Variants in TMEM135 observed in about 807,000 individuals in gnomAD.
TMEM135 encodes peroxisomal membrane protein 52.
TMEM135 carries 30 observed loss-of-function variants against 60.3 expected under a neutral mutation model. The ratio of observed to expected loss-of-function variants is 0.50; its 90% CI spans 0.37 to 0.68. The LOEUF (loss-of-function observed/expected upper bound fraction) is 0.68. Ranked by LOEUF, TMEM135 falls within the 30% of genes least tolerant of loss-of-function variation. The pLI is 0.00. For missense variants in TMEM135, 468 were observed against 548.8 expected (o/e 0.85, Z 1.47); for synonymous variants, 190 against 186.7 (o/e 1.02, Z -0.14).
At chr11:87,166,961 T>G (rs1939069289) in intron 5 of TMEM135, among the ~76,000 whole-genome samples, 1 of 152,190 alleles carries the variant, frequency 6.6e-6, no homozygotes, top group Non-Finnish European at 1.5e-5. Context: ...TTCCATTCGT[T>G]TGTGTCATCT....
At chr11:87,120,771 T>G (rs938579628) in intron 4 of TMEM135, among the ~76,000 whole-genome samples, 1 of 152,176 alleles carries the variant, frequency 6.6e-6, no homozygotes, top group African/African-American at 2.4e-5. Flanking sequence ...TTCTAAATTT[T>G]GTTTGAACTA....
intron 5 of TMEM135, among the ~76,000 whole-genome samples, chr11:87,227,613 A>T (rs916137792): frequency 3.9e-5 from 6 of 152,188 alleles, no homozygotes; most frequent in African/African-American, 1.4e-4. Context: ...GATTTAAAAA[A>T]TTTGTTATAT....
rs530358387 is a variant in TMEM135, at chr11:87,214,617, T to C, written c.463-22021T>C. Among the ~76,000 whole-genome samples the C allele has an allele frequency of 4.4e-4, 67 of 152,048 alleles. 2 individuals are homozygous for C. The South Asian group carries it at 0.013, about 30-fold the overall frequency. ...TACAGCACCAGGTTATGAGGCAAAA[T>C]ATGTATAAACTAATAATTACAGTGT... On this transcript the variant is annotated intron_variant, in intron 5 of 14. Transcript: ENST00000305494.
intron 1 of TMEM135, among the ~76,000 whole-genome samples, chr11:87,061,303 C>T (rs1949944629): frequency 6.6e-6 from 1 of 152,124 alleles, no homozygotes; most frequent in African/African-American, 2.4e-5. Context: ...TTGGTTATCA[C>T]AGCTGGGGGG....
chr11:87,067,402 C>G (rs571666384), intron 1 of TMEM135, among the ~76,000 whole-genome samples: 1 of 151,762 alleles, frequency 6.6e-6, no homozygotes, highest in East Asian at 1.9e-4. Flanking sequence ...AAAATATATT[C>G]CATTTTTCAG....
At chr11:87,043,454 G>A (rs911283016) in intron 1 of TMEM135, among the ~76,000 whole-genome samples, 11 of 151,910 alleles carry the variant, frequency 7.2e-5, no homozygotes, top group Non-Finnish European at 1.3e-4. Flanking sequence ...GGCTGGGTGC[G>A]GTGTCTGACG....
intron 5 of TMEM135, among the ~76,000 whole-genome samples, chr11:87,160,642 T>C (rs182330209): frequency 7.9e-5 from 12 of 152,362 alleles, no homozygotes; most frequent in Admixed American, 1.3e-4. Context: ...AGTTTGACAG[T>C]TGAAAAATAA....
intron 4 of TMEM135, chr11:87,095,889 T>A (rs1359067803): frequency 6.7e-6 from 1 of 150,272 alleles, no homozygotes; most frequent in African/African-American, 2.5e-5. Flanking sequence ...GGCAGGAGAA[T>A]GGCGTGAACC....
chr11:87,282,151 A>G (rs1171814883), intron 6 of TMEM135, among the ~76,000 whole-genome samples: 1 of 152,098 alleles, frequency 6.6e-6, no homozygotes, highest in Non-Finnish European at 1.5e-5. Context: ...TATGAAGGGG[A>G]GGTGGATAAG....
intron 3 of TMEM135, among the ~76,000 whole-genome samples, chr11:87,089,560 GA>G (rs139034362): frequency 0.093 from 14,072 of 150,598 alleles, 690 homozygotes; most frequent in African/African-American, 0.097. Context: ...AAAAGAAAAA[GA>G]AAAAAAAATT....
At chr11:87,159,617 A>ACACACACACC in intron 5 of TMEM135, among the ~76,000 whole-genome samples, 1 of 149,458 alleles carries the variant, frequency 6.7e-6, no homozygotes, top group African/African-American at 2.5e-5. Flanking sequence ...ACACACACAC[A>ACACACACACC]CCATAGATTT....
At chr11:87,039,997 A>G (rs868852064) in intron 1 of TMEM135, among the ~76,000 whole-genome samples, 12 of 152,316 alleles carry the variant, frequency 7.9e-5, no homozygotes, top group African/African-American at 2.9e-4. Flanking sequence ...TTACTACTAT[A>G]TCTCCAACAA....
At chr11:87,253,178 C>G (rs1411312008) in intron 6 of TMEM135, among the ~76,000 whole-genome samples, 1 of 152,094 alleles carries the variant, frequency 6.6e-6, no homozygotes, top group South Asian at 2.1e-4. Context: ...TGTGGCAAAT[C>G]TGTTGTCATT....
chr11:87,169,210 G>T (rs1939158470), intron 5 of TMEM135, among the ~76,000 whole-genome samples: 1 of 148,760 alleles, frequency 6.7e-6, no homozygotes, highest in South Asian at 2.2e-4. Flanking sequence ...CACGTGAGAT[G>T]GGACTCCTGA....
At chr11:87,184,566 G>A (rs1939602902) in intron 5 of TMEM135, among the ~76,000 whole-genome samples, 1 of 152,142 alleles carries the variant, frequency 6.6e-6, no homozygotes, top group South Asian at 2.1e-4. Flanking sequence ...ATATGTTTGA[G>A]AAACTATAGA....
chr11:87,159,617 A>ACACACACACACACCCCC (rs140303858), intron 5 of TMEM135, among the ~76,000 whole-genome samples: 248 of 149,452 alleles, frequency 1.7e-3, no homozygotes, highest in East Asian at 6.2e-3. Context: ...ACACACACAC[A>ACACACACACACACCCCC]CCATAGATTT....
intron 4 of TMEM135, among the ~76,000 whole-genome samples, chr11:87,100,975 C>A (rs558661115): frequency 5.3e-5 from 8 of 152,286 alleles, no homozygotes. Context: ...TAAAAACATA[C>A]AAATTGAAGG....
intron 6 of TMEM135, among the ~76,000 whole-genome samples, chr11:87,273,195 G>T (rs563513620): frequency 6.6e-6 from 1 of 152,054 alleles, no homozygotes; most frequent in Non-Finnish European, 1.5e-5. Flanking sequence ...TCTAAATCTG[G>T]TTTCTTTTTT....
chr11:87,180,836 A>G (rs1357787335), intron 5 of TMEM135, among the ~76,000 whole-genome samples: 3 of 152,226 alleles, frequency 2.0e-5, no homozygotes, highest in Non-Finnish European at 4.4e-5. Flanking sequence ...CCAGAGGACC[A>G]AAAGCCTTTA....
Sources: gnomAD v4.1 joint callset for allele counts (sites outside exome capture counted in the v4.1 genomes callset) on GRCh38, gnomAD v4.1.1 for gene constraint, MANE v1.5 for transcripts, NCBI Gene and HGNC (gene_info 2026-07-23, HGNC 2026-07-21) for gene names.